CHODL: variants seen among roughly 807,000 people sequenced by gnomAD.
The protein encoded by CHODL is transmembrane protein MT75.
Under a neutral mutation model 34.5 loss-of-function variants are expected in CHODL, and 29 were observed. The ratio of observed to expected loss-of-function variants is 0.84; its 90% CI spans 0.63 to 1.15. The LOEUF is 1.15. Among genes scored for constraint, CHODL ranks in the 50% most tolerant of loss-of-function variants. The probability of loss-of-function intolerance (pLI) is 0.00; values close to 1 mark genes in which losing one functional copy is unlikely to be tolerated. For missense variants in CHODL, 332 were observed against 332.5 expected (o/e 1.00, Z 0.01); for synonymous variants, 125 against 116.1 (o/e 1.08, Z -0.49).
chr21:18,188,755 TAGAC>T (rs1275045842), intron 2 of CHODL, among the ~76,000 whole-genome samples: 7 of 152,186 alleles, frequency 4.6e-5, no homozygotes, highest in Admixed American at 1.3e-4. Context: ...ACCTAAATAA[TAGAC>T]AGAGAGAGGC....
intron 2 of CHODL, among the ~76,000 whole-genome samples, chr21:18,229,659 A>G (rs141236347): frequency 6.6e-6 from 1 of 152,234 alleles, no homozygotes; most frequent in African/African-American, 2.4e-5. Context: ...ATATTTGTGG[A>G]ATAATAATAC....
chr21:17,987,360 C>A (rs1050175813), intron 1 of CHODL, among the ~76,000 whole-genome samples: 3 of 152,162 alleles, frequency 2.0e-5, no homozygotes, highest in African/African-American at 7.2e-5. Context: ...CAGCTGTAAT[C>A]ATCAGAATAT....
intron 2 of CHODL, among the ~76,000 whole-genome samples, chr21:18,221,456 T>A (rs988305366): frequency 2.0e-5 from 3 of 152,206 alleles, no homozygotes; most frequent in Non-Finnish European, 4.4e-5. Flanking sequence ...CCTTAATTTT[T>A]AATGTTTCTT....
chr21:18,152,087 G>A (rs1467079115), intron 2 of CHODL, among the ~76,000 whole-genome samples: 3 of 151,722 alleles, frequency 2.0e-5, no homozygotes, highest in African/African-American at 2.4e-5. Context: ...TATTTCAGTC[G>A]AGTTTAGTAA....
intron 1 of CHODL, among the ~76,000 whole-genome samples, chr21:18,024,372 C>A (rs562289348): frequency 6.6e-6 from 1 of 152,010 alleles, no homozygotes; most frequent in African/African-American, 2.4e-5. Context: ...TAGGGCAGGG[C>A]GCAAGTCCTG....
chr21:18,081,658 G>A (rs1251971531), intron 2 of CHODL, among the ~76,000 whole-genome samples: 2 of 150,474 alleles, frequency 1.3e-5, no homozygotes, highest in Non-Finnish European at 3.0e-5. Context: ...TCCAGCCTGG[G>A]CAAGAAGAGA....
chr21:18,232,941 T>TTTTATATATATATATATATATA (rs752640406), intron 2 of CHODL, among the ~76,000 whole-genome samples: 51 of 97,584 alleles, frequency 5.2e-4, no homozygotes, highest in South Asian at 2.6e-3. Context: ...CATGATGTTA[T>TTTTATATATATATATATATATA]GATATATATA....
chr21:17,954,188 A>AT (rs1398518174), intron 1 of CHODL, among the ~76,000 whole-genome samples: 1 of 152,176 alleles, frequency 6.6e-6, no homozygotes, highest in Non-Finnish European at 1.5e-5. Context: ...AATGAGTGAT[A>AT]TTTTGCAATA....
chr21:18,139,201 C>T (rs2072772635), intron 2 of CHODL, among the ~76,000 whole-genome samples: 1 of 151,664 alleles, frequency 6.6e-6, no homozygotes, highest in Non-Finnish European at 1.5e-5. Flanking sequence ...TCACGTTCAG[C>T]AGTGTAGGTA....
intron 2 of CHODL, among the ~76,000 whole-genome samples, chr21:18,104,025 T>C (rs2065245568): frequency 6.6e-6 from 1 of 152,184 alleles, no homozygotes; most frequent in Non-Finnish European, 1.5e-5. Flanking sequence ...GTTCCTCACA[T>C]AGAGCCTCGC....
At chr21:18,143,678 A>T (rs564886328) in intron 2 of CHODL, among the ~76,000 whole-genome samples, 5 of 152,164 alleles carry the variant, frequency 3.3e-5, no homozygotes, top group South Asian at 4.1e-4. Flanking sequence ...AATGATTTAA[A>T]ATATATAAAT....
chr21:18,022,628 C>T (rs2064138239), intron 1 of CHODL, among the ~76,000 whole-genome samples: 1 of 152,100 alleles, frequency 6.6e-6, no homozygotes, highest in African/African-American at 2.4e-5. Flanking sequence ...ATTTTCCATT[C>T]CCCCAGCCAC....
chr21:18,206,698 T>C (rs920237674), intron 2 of CHODL, among the ~76,000 whole-genome samples: 5 of 151,914 alleles, frequency 3.3e-5, no homozygotes, highest in African/African-American at 1.2e-4. Flanking sequence ...TTTTGTTGTT[T>C]GTTTTCTGGT....
intron 2 of CHODL, among the ~76,000 whole-genome samples, chr21:18,239,225 G>A (rs759193760): frequency 1.3e-5 from 2 of 152,030 alleles, no homozygotes; most frequent in Non-Finnish European, 2.9e-5. Context: ...AGGTAACCTA[G>A]AGGATAAAGA....
intron 2 of CHODL, among the ~76,000 whole-genome samples, chr21:18,133,759 ACT>A (rs1039294949): frequency 2.0e-5 from 3 of 152,098 alleles, no homozygotes; most frequent in African/African-American, 7.2e-5. Context: ...TGTAAGCATC[ACT>A]CTGTAGGGCA....
intron 2 of CHODL, among the ~76,000 whole-genome samples, chr21:18,151,082 C>CAAAAAAAAA (rs61176066): frequency 8.1e-6 from 1 of 123,018 alleles, no homozygotes; most frequent in African/African-American, 3.3e-5. Context: ...GACTCTGTGT[C>CAAAAAAAAA]AAAAAAAAAA....
At chr21:18,234,481 A>G (rs1163323777) in intron 2 of CHODL, among the ~76,000 whole-genome samples, 2 of 152,058 alleles carry the variant, frequency 1.3e-5, no homozygotes, top group Non-Finnish European at 2.9e-5. Flanking sequence ...AGCTTTCATT[A>G]TGCATATTTT....
chr21:18,198,727 A>AT (rs2073617335), intron 2 of CHODL, among the ~76,000 whole-genome samples: 1 of 152,090 alleles, frequency 6.6e-6, no homozygotes, highest in Admixed American at 6.6e-5. Flanking sequence ...AATATGTCAT[A>AT]TTTTTACTAC....
rs148903006 is a variant in CHODL, at chr21:17,940,610, G to A, written c.-145+23210G>A. On this transcript the variant is annotated intron_variant, in intron 1 of 6. Coordinates refer to the CHODL transcript ENST00000400127. ...GCTAATAGCTTTTCTTGACCTGGAG[G>A]GGAGTTACAAGTATGTTAGTTTATA... Among the ~76,000 whole-genome samples, 4 of 152,232 alleles carry A rather than the reference G, an allele frequency of 2.6e-5. No individual in the cohort carries two copies. In the East Asian group the frequency reaches 7.7e-4, roughly 29 times the overall value.
Sources: allele counts gnomAD v4.1 joint callset (sites outside exome capture counted in the v4.1 genomes callset), GRCh38; gene constraint gnomAD v4.1.1; transcripts MANE v1.5; gene names NCBI Gene and HGNC (gene_info 2026-07-23, HGNC 2026-07-21).